SYT16: variants seen among roughly 807,000 people sequenced by gnomAD.
The protein encoded by SYT16 is synaptotagmin-16.
SYT16 carries 42 observed loss-of-function variants against 61.4 expected under a neutral mutation model. The ratio of observed to expected loss-of-function variants is 0.68; its 90% CI spans 0.53 to 0.89. SYT16 has a LOEUF of 0.89. Among genes scored for constraint, SYT16 ranks in the 40% least tolerant of loss-of-function variants. The pLI is 0.00. For synonymous variants in SYT16, 314 were observed against 302.3 expected (o/e 1.04, Z -0.40); for missense variants, 804 against 807.3 (o/e 1.00, Z 0.05).
chr14:62,007,315 T>A (rs1227345328), intron 3 of SYT16, among the ~76,000 whole-genome samples: 1 of 152,188 alleles, frequency 6.6e-6, no homozygotes, highest in Non-Finnish European at 1.5e-5. Context: ...CTACACCTAG[T>A]TAAATTTATC....
chr14:61,984,819 G>C (rs2052234125), intron 2 of SYT16, among the ~76,000 whole-genome samples: 1 of 152,164 alleles, frequency 6.6e-6, no homozygotes, highest in Non-Finnish European at 1.5e-5. Flanking sequence ...TGTAGAATTA[G>C]TTAAGAACAT....
At chr14:61,935,997 T>C (rs559155513) in intron 1 of SYT16, among the ~76,000 whole-genome samples, 1 of 152,350 alleles carries the variant, frequency 6.6e-6, no homozygotes, top group East Asian at 1.9e-4. Flanking sequence ...CTATATTGCT[T>C]TAATGGAATT....
chr14:61,910,525 G>GT (rs1285355374), intron 1 of SYT16, among the ~76,000 whole-genome samples: 9 of 46,494 alleles, frequency 1.9e-4, no homozygotes, highest in Non-Finnish European at 3.6e-4. Flanking sequence ...GCATCCCGCT[G>GT]TTTTGTTTTT....
At chr14:61,905,314 T>A (rs1208453059) in intron 1 of SYT16, among the ~76,000 whole-genome samples, 1 of 151,806 alleles carries the variant, frequency 6.6e-6, no homozygotes. Flanking sequence ...GGTAGGGATG[T>A]TAGCTGTCCT....
chr14:61,817,943 T>A (rs2140209492), intron 1 of SYT16, among the ~76,000 whole-genome samples: 1 of 152,338 alleles, frequency 6.6e-6, no homozygotes, highest in South Asian at 2.1e-4. Context: ...TTGGTAAATT[T>A]AGGAGTTCCT....
rs77367496 is a variant in SYT16 at position 61,897,765 on chromosome 14, A to G, written c.-324-72367A>G. ...AGAAGCCATCTGGGAGATAAAAGAA[A>G]AATGAAAGCCTTTTAGAACCCATAG... is the stretch of plus-strand genomic sequence containing the variant. On this transcript the variant is annotated intron_variant, in intron 1 of 7. Coordinates refer to ENST00000683842, the MANE Select transcript of SYT16 (RefSeq NM_001367656.1). Among the ~76,000 whole-genome samples, 901 of 152,198 alleles carry G rather than the reference A, an allele frequency of 5.9e-3. 4 individuals carry two copies. The highest frequency in any genetic ancestry group is 0.017 in the Middle Eastern group (5 of 294).
chr14:62,056,983 G>A (rs2055588784), intron 3 of SYT16, among the ~76,000 whole-genome samples: 1 of 152,278 alleles, frequency 6.6e-6, no homozygotes, highest in African/African-American at 2.4e-5. Flanking sequence ...GTTCCGAAAC[G>A]TGAGCCGCGC....
intron 3 of SYT16, among the ~76,000 whole-genome samples, chr14:61,996,979 TCA>T (rs1052391208): frequency 1.3e-5 from 2 of 152,080 alleles, no homozygotes; most frequent in African/African-American, 4.8e-5. Context: ...AGAACACTTC[TCA>T]CAGTGTTTCA....
At chr14:62,036,981 G>A (rs1437915375) in intron 3 of SYT16, among the ~76,000 whole-genome samples, 1 of 152,202 alleles carries the variant, frequency 6.6e-6, no homozygotes, top group African/African-American at 2.4e-5. Context: ...AAATGAGGCT[G>A]TGTTGTCATG....
In SYT16 at chr14:61,959,687, A is replaced by G. The variant is rs552277729; in HGVS notation, c.-324-10445A>G. On this transcript the variant is annotated intron_variant, in intron 1 of 7. Coordinates refer to ENST00000683842, the MANE Select transcript of SYT16 (RefSeq NM_001367656.1). The stretch of plus-strand genomic sequence containing the variant: ...CACACTGCCACTACAGTAGCACAAT[A>G]TTCTGTGTTTATATTTACCTTTAGT... Among the ~76,000 whole-genome samples the G allele has an allele frequency of 9.9e-5, 15 of 152,226 alleles. No homozygotes were observed. The East Asian group carries it at 2.9e-3, about 29-fold the overall frequency.
rs1016788083 is a variant in SYT16, at chr14:61,830,000, C to G, written c.-325+17190C>G. ...CACTGATCTCTTTCCTCTGTCAATT[C>G]TCTTCTGCCACTGAGCCCAGCTAGT... is the stretch of plus-strand genomic sequence containing the variant. On this transcript the variant is annotated intron_variant, in intron 1 of 7. Transcript: ENST00000683842. 7.2e-5 allele frequency among the ~76,000 whole-genome samples: 11 copies of G among 152,134 alleles called. 1 individual carries two copies. Among genetic ancestry groups the G allele is most frequent in the Non-Finnish European group, 1.5e-4 (10 of 68,000 alleles).
chr14:62,100,475 C>G lies in SYT16; in HGVS notation c.1706C>G (p.Pro569Arg). The G allele has an allele frequency of 6.2e-7, 1 of 1,613,510 alleles. No individual in the cohort carries two copies. The highest frequency in any genetic ancestry group is 8.5e-7 in the Non-Finnish European group (1 of 1,179,716). Residue 569 changes from proline to arginine, a missense_variant, in exon 8 of 8, where the codon CCC becomes CGC. Transcript: ENST00000683842. ...RCKTSIRRGQ[P>R]NPVYKETFVF... ...AAGACGTCCATTCGGCGTGGTCAGC[C>G]CAATCCTGTCTATAAGGAGACCTTT...
In SYT16 at chr14:62,075,238, C is replaced by T. The variant is rs1317740280; in HGVS notation, c.840C>T (p.Ala280=). 2.5e-6 allele frequency: 4 copies of T among 1,613,658 alleles called. No homozygotes were observed. Among genetic ancestry groups the T allele is most frequent in the African/African-American group, 2.7e-5 (2 of 74,898 alleles). ...HSQSPCERGD[A]KHHGTSHQES... ...AGTCCCCATGTGAAAGAGGGGATGC[C>T]AAACACCACGGCACATCTCACCAAG... The change falls in exon 5 of 8, where the codon GCC becomes GCT. Residue 280 remains alanine (A), a synonymous_variant. Coordinates refer to ENST00000683842, the MANE Select transcript of SYT16 (RefSeq NM_001367656.1).
intron 1 of SYT16, among the ~76,000 whole-genome samples, chr14:61,934,525 C>T (rs2049900912): frequency 6.6e-6 from 1 of 152,204 alleles, no homozygotes; most frequent in South Asian, 2.1e-4. Flanking sequence ...TTTGGGACTA[C>T]ACTTGTGGGT....
At chr14:61,991,226 A>G (rs2140607244) in intron 2 of SYT16, among the ~76,000 whole-genome samples, 1 of 152,196 alleles carries the variant, frequency 6.6e-6, no homozygotes, top group East Asian at 1.9e-4. Context: ...ATGAGATATC[A>G]TGAACCATTT....
At chr14:62,089,156 A>G (rs1209215074) in intron 7 of SYT16, among the ~76,000 whole-genome samples, 1 of 152,034 alleles carries the variant, frequency 6.6e-6, no homozygotes, top group Non-Finnish European at 1.5e-5. Context: ...CATGCCTACT[A>G]AAAATACAAA....
chr14:61,900,725 G>T (rs1226226916), intron 1 of SYT16, among the ~76,000 whole-genome samples: 1 of 152,190 alleles, frequency 6.6e-6, no homozygotes, highest in Non-Finnish European at 1.5e-5. Flanking sequence ...CACCAGCCTT[G>T]CATGGTGTTT....
chr14:61,830,906 G>A (rs2045917505), intron 1 of SYT16, among the ~76,000 whole-genome samples: 3 of 152,202 alleles, frequency 2.0e-5, no homozygotes, highest in Admixed American at 2.0e-4. Flanking sequence ...ATGGTCAACA[G>A]GGCTCTTCAC....
At chr14:61,955,704 G>T (rs2050848621) in intron 1 of SYT16, among the ~76,000 whole-genome samples, 1 of 151,900 alleles carries the variant, frequency 6.6e-6, no homozygotes, top group South Asian at 2.1e-4. Flanking sequence ...TGGATACTTA[G>T]GTTGATTCCG....
Sources: gnomAD v4.1 joint callset for allele counts (sites outside exome capture counted in the v4.1 genomes callset) on GRCh38, gnomAD v4.1.1 for gene constraint, MANE v1.5 for transcripts, NCBI Gene and HGNC (gene_info 2026-07-23, HGNC 2026-07-21) for gene names.